Variants in HSPA8 observed in about 807,000 individuals in gnomAD.
The protein encoded by HSPA8 is heat shock protein family A (Hsp70) member 8, also known as heat shock cognate 71 kDa protein.
A neutral mutation model predicts 52.8 loss-of-function variants in HSPA8; 2 were observed. The ratio of observed to expected loss-of-function variants is 0.04; its 90% CI spans 0.02 to 0.12. The LOEUF (loss-of-function observed/expected upper bound fraction) is 0.12, where lower values mean the gene tolerates loss of function less well. Ranked by LOEUF, HSPA8 falls within the 10% of genes least tolerant of loss-of-function variation. HSPA8 has a pLI of 1.00. For synonymous variants in HSPA8, 436 were observed against 274.0 expected (o/e 1.59, Z -5.84); for missense variants, 349 against 800.5 (o/e 0.44, Z 6.81).
In HSPA8 at chr11:123,060,370, C is replaced by G. The variant is rs924684893; in HGVS notation, c.412-102G>C. On this transcript the variant is annotated intron_variant, in intron 3 of 8. Coordinates refer to ENST00000534624, the MANE Select transcript of HSPA8 (RefSeq NM_006597.6). Reference sequence around the variant, plus strand: ...CTGGTGAAAGAACAGCTGGAGCACCCCCCCCACCAAAATGTAAATTACTGT... The same window carrying G: ...CTGGTGAAAGAACAGCTGGAGCACCGCCCCCACCAAAATGTAAATTACTGT... The G allele has an allele frequency of 8.7e-6, 10 of 1,148,578 alleles. No individual in the cohort carries two copies. The African/African-American group carries it at 9.3e-5, about 11-fold the overall frequency. 71.1% of individuals were successfully genotyped at this position (1,148,578 alleles called of 1,614,324 possible).
intron 1 of HSPA8, chr11:123,061,550 C>G (rs113558879): frequency 3.3e-5 from 19 of 577,020 alleles, no homozygotes; most frequent in African/African-American, 2.6e-4. Context: ...ACCCATCTAC[C>G]CAGACGGCGT....
rs912266434 is a variant in HSPA8, at chr11:123,058,726, G to T, written c.1428C>A (p.Val476=). The T allele has an allele frequency of 4.3e-6, 7 of 1,613,920 alleles. No homozygotes were observed. In the East Asian group the frequency reaches 1.6e-4, roughly 36 times the overall value. Residue 476 remains valine (V), a synonymous_variant, in exon 7 of 9, where the codon GTC becomes GTA. Coordinates refer to ENST00000534624, the MANE Select transcript of HSPA8 (RefSeq NM_006597.6). The part of the protein sequence containing the change: ...PAPRGVPQIE[V]TFDIDANGIL... The stretch of plus-strand genomic sequence containing the variant: ...TACCATTGGCATCAATGTCAAAAGT[G>T]ACTTCAATCTGAGGAACACCTCGGG...
rs756920138 is a variant in HSPA8, at chr11:123,059,514, T to C, written c.1079A>G (p.Asn360Ser). 6.2e-7 allele frequency: 1 copy of C among 1,614,018 alleles called. No homozygotes were observed. ...AGCTTCATCAGGGTTGATGCTCTTA[T>C]TCAGTTCTTTTCCATTGAAGAAGTC... is the stretch of plus-strand genomic sequence containing the variant. ...LQDFFNGKEL[N>S]KSINPDEAVA... Residue 360 changes from asparagine to serine, a missense_variant, in exon 5 of 9, where the codon AAT (asparagine) becomes AGT (serine). Transcript: ENST00000534624.
intron 3 of HSPA8, 61 bp downstream of exon 3, chr11:123,060,532 C>T (rs572043968): frequency 4.7e-6 from 6 of 1,273,288 alleles, no homozygotes; most frequent in South Asian, 2.5e-5. Context: ...CCAGTGCCCC[C>T]GGGAGTCATC....
At chr11:123,058,060 T>C (rs979391293) in intron 8 of HSPA8, 141 bp from the exon 9 acceptor site, 51 of 744,390 alleles carry the variant, frequency 6.9e-5, no homozygotes, top group South Asian at 9.2e-5. Context: ...GGCCTTATTC[T>C]TCCTTAACAT....
Position 123,058,028 on chromosome 11 carries a change from G to C in HSPA8, c.1756-109C>G. The C allele has an allele frequency of 4.6e-6, 4 of 867,064 alleles. No individual in the cohort carries two copies. In the South Asian group the frequency reaches 6.7e-5, roughly 15 times the overall value. The allele number at this position is 867,064 out of a possible 1,614,324, so 53.7% of individuals were successfully genotyped here. On this transcript the variant is annotated intron_variant, in intron 8 of 8. Coordinates refer to ENST00000534624, the MANE Select transcript of HSPA8 (RefSeq NM_006597.6). ...GTCTGGCGCAAACTCTTACAAGAGG[G>C]CCACTACCAACATTAAAATAGGGCC...
Position 123,057,857 on chromosome 11 carries a change from G to C in HSPA8, c.1818C>G (p.Ile606Met). The part of the protein sequence containing the change: ...QKELEKVCNP[I>M]ITKLYQSAGG... ...CTGCACTCTGGTACAGCTTGGTGAT[G>C]ATGGGGTTGCAAACTTTCTCCAGCT... The change falls in exon 9 of 9, where the codon ATC becomes ATG. Residue 606 changes from isoleucine to methionine, a missense_variant. Transcript: ENST00000534624. 6.2e-7 allele frequency: 1 copy of C among 1,613,426 alleles called. No individual in the cohort carries two copies. The highest frequency in any genetic ancestry group is 8.5e-7 in the Non-Finnish European group (1 of 1,179,652).
rs1207971876 is a variant in HSPA8 at position 123,061,157 on chromosome 11, C to T, written c.168G>A (p.Lys56=). ...TGGTGGGGTTCATTGCAACTTGATT[C>T]TTTGCGGCATCACCGATCAACCGTT... is the stretch of plus-strand genomic sequence containing the variant. ...DTERLIGDAA[K]NQVAMNPTNT... is the part of the protein sequence containing the mutation. The change falls in exon 2 of 9, where the codon AAG becomes AAA. Residue 56 remains lysine, a synonymous_variant. Transcript: ENST00000534624. 5.0e-6 allele frequency: 8 copies of T among 1,613,704 alleles called. No homozygotes were observed. The highest frequency in any genetic ancestry group is 5.9e-6 in the Non-Finnish European group (7 of 1,179,858).
At chr11:123,061,060 A>G in intron 2 of HSPA8, 60 bp downstream of exon 2, 6 of 1,455,456 alleles carry the variant, frequency 4.1e-6, no homozygotes, top group Admixed American at 3.5e-5. Flanking sequence ...CACGTTTCAT[A>G]AACTTTTGTG....
Position 123,058,243 on chromosome 11 carries a change from A to AC in HSPA8, c.1755+8_1755+9insG, listed in dbSNP as rs1555074111. ...TGGGGGAGGAAAAAAAAAAAAAAAA[A>AC]ACACAAACCTGATTCTTATCAAGCC... On this transcript the variant is annotated intron_variant, in intron 8 of 8. Coordinates refer to ENST00000534624, the MANE Select transcript of HSPA8 (RefSeq NM_006597.6). The AC allele has an allele frequency of 2.1e-5, 32 of 1,510,514 alleles. No individual in the cohort carries two copies. The highest frequency in any genetic ancestry group is 2.8e-5 in the African/African-American group (2 of 70,668). 93.6% of individuals were successfully genotyped at this position (1,510,514 alleles called of 1,614,324 possible). A position where few individuals can be genotyped will look rare whatever the true frequency, so the allele number is the denominator to read the frequency against.
Position 123,060,224 on chromosome 11 carries a change from G to A in HSPA8, c.456C>T (p.Asp152=). 7.4e-6 allele frequency: 12 copies of A among 1,613,892 alleles called. No individual in the cohort carries two copies. The highest frequency in any genetic ancestry group is 1.3e-5 in the African/African-American group (1 of 75,008). ...CATCTTTGGTAGCCTGACGCTGAGA[G>A]TCATTAAAGTAAGCTGGCACTGTGA... ...AVVTVPAYFN[D]SQRQATKDAG... is the part of the protein sequence containing the mutation. The change falls in exon 4 of 9, where the codon GAC becomes GAT. Residue 152 remains aspartate (D), a synonymous_variant. Coordinates refer to ENST00000534624, the MANE Select transcript of HSPA8 (RefSeq NM_006597.6).
chr11:123,060,368 C>A, intron 3 of HSPA8, 100 bp from the exon 4 acceptor site: 3 of 1,019,056 alleles, frequency 2.9e-6, no homozygotes, highest in South Asian at 2.9e-5. Context: ...AGCTGGAGCA[C>A]CCCCCCCACC....
chr11:123,062,369 G>A (rs900218143), upstream of HSPA8: 2 of 152,402 alleles, frequency 1.3e-5, no homozygotes, highest in Non-Finnish European at 2.9e-5. Flanking sequence ...GAACTTTCAA[G>A]CTCGCCCCCG....
Position 123,059,941 on chromosome 11 carries a change from C to G in HSPA8, c.652G>C (p.Glu218Gln). Residue 218 changes from glutamate (E) to glutamine (Q), a missense_variant, in exon 5 of 9, where the codon GAG becomes CAG. Transcript: ENST00000534624. Reference protein sequence around the residue: ...SILTIEDGIFEVKSTAGDTHL... With the variant: ...SILTIEDGIFQVKSTAGDTHL... Reference sequence around the variant, plus strand: ...GTGTCTCCAGCTGTAGACTTGACCTCAAAGATTCCATCCTCAATAGTGAGG... The same window carrying G: ...GTGTCTCCAGCTGTAGACTTGACCTGAAAGATTCCATCCTCAATAGTGAGG... 6.2e-7 allele frequency: 1 copy of G among 1,614,018 alleles called. No homozygotes were observed. The highest frequency in any genetic ancestry group is 8.5e-7 in the Non-Finnish European group (1 of 1,180,018).
In HSPA8 at chr11:123,057,665, T is replaced by G. The variant is rs1865345018; in HGVS notation, c.*69A>C. 3 of 1,306,686 alleles carry G rather than the reference T, an allele frequency of 2.3e-6. No individual in the cohort carries two copies. Among genetic ancestry groups the G allele is most frequent in the Non-Finnish European group, 3.2e-6 (3 of 947,866 alleles). The allele number at this position is 1,306,686 out of a possible 1,614,324, so 80.9% of individuals were successfully genotyped here. A position where few individuals can be genotyped will look rare whatever the true frequency, so the allele number is the denominator to read the frequency against. On this transcript the variant is annotated 3_prime_UTR_variant, in exon 9 of 9. Coordinates refer to ENST00000534624, the MANE Select transcript of HSPA8 (RefSeq NM_006597.6). ...TAACTTTTTAAAACTGCCACAGAATTTGCTACGAATTTAGGTCCTTCAAAT... is the reference window on the plus strand; with the variant it reads ...TAACTTTTTAAAACTGCCACAGAATGTGCTACGAATTTAGGTCCTTCAAAT...
At chr11:123,060,460 C>T (rs1384316340) in intron 3 of HSPA8, 133 bp downstream of exon 3, 8 of 895,898 alleles carry the variant, frequency 8.9e-6, no homozygotes, top group Non-Finnish European at 1.4e-5. Context: ...GCCTAGGGCA[C>T]TGTTGGGCAC....
rs753317621 is a variant in HSPA8, at chr11:123,059,936, G to A, written c.657C>T (p.Val219=). ...ILTIEDGIFE[V]KSTAGDTHLG... ...AGTGGGTGTCTCCAGCTGTAGACTT[G>A]ACCTCAAAGATTCCATCCTCAATAG... The change falls in exon 5 of 9, where the codon GTC becomes GTT. Residue 219 remains valine (V), a synonymous_variant. Coordinates refer to ENST00000534624, the MANE Select transcript of HSPA8 (RefSeq NM_006597.6). The A allele has an allele frequency of 6.2e-7, 1 of 1,613,948 alleles. No homozygotes were observed. The highest frequency in any genetic ancestry group is 2.2e-5 in the East Asian group (1 of 44,870).
chr11:123,060,925 G>A (rs543787154), intron 2 of HSPA8, 127 bp from the exon 3 acceptor site: 14 of 942,740 alleles, frequency 1.5e-5, no homozygotes, highest in African/African-American at 1.6e-5. Context: ...AGGTAGCAAA[G>A]GTTCAAACTT....
chr11:123,061,600 ACT>A, intron 1 of HSPA8: 1 of 498,502 alleles, frequency 2.0e-6, no homozygotes, highest in South Asian at 2.1e-5. Flanking sequence ...CGAACTGAGC[ACT>A]GTCTGTTCCC....
Sources: allele counts gnomAD v4.1 joint callset, GRCh38; gene constraint gnomAD v4.1.1; transcripts MANE v1.5; gene names NCBI Gene and HGNC (gene_info 2026-07-23, HGNC 2026-07-21).